Variants in HIBCH observed in about 807,000 individuals in gnomAD.
HIBCH encodes the protein 3-hydroxyisobutyryl-CoA hydrolase, also known as 3-hydroxyisobutyryl-CoA hydrolase, mitochondrial.
HIBCH carries 50 observed loss-of-function variants against 58.2 expected under a neutral mutation model. The observed-to-expected ratio is 0.86, with a 90% CI of 0.68 to 1.09. HIBCH has a LOEUF of 1.09. Among genes scored for constraint, HIBCH ranks in the 50% least tolerant of loss-of-function variants. HIBCH has a pLI of 0.00. For synonymous variants in HIBCH, 151 were observed against 146.9 expected, an observed-to-expected ratio of 1.03 and a Z score of -0.20; for missense variants, 450 against 449.7, an observed-to-expected ratio of 1.00 and a Z score of -0.01.
At chr2:190,208,952 G>T in intron 12 of HIBCH, 39 bp from the exon 13 acceptor site, 1 of 1,587,176 alleles carries the variant, frequency 6.3e-7, no homozygotes, top group Non-Finnish European at 8.6e-7. Context: ...TAATTTCTGG[G>T]TGTCCTTATT....
chr2:190,260,705 G>C (rs1687062986), intron 7 of HIBCH, among the ~76,000 whole-genome samples: 1 of 152,122 alleles, frequency 6.6e-6, no homozygotes, highest in African/African-American at 2.4e-5. Context: ...AGGCAATTCA[G>C]TAGCAAAACA....
chr2:190,209,065 C>G lies in HIBCH; in HGVS notation c.1012-152G>C. On this transcript the variant is annotated intron_variant, in intron 12 of 13. Transcript: ENST00000359678. The surrounding 1 kb of genome is among the most constrained non-coding windows in gnomAD (Gnocchi z 5.6). ...ACTGAACCACCTCTGATAGCCCACTCTCTGATCACCACCTCCTAAATCTTA... is the reference window on the plus strand; with the variant it reads ...ACTGAACCACCTCTGATAGCCCACTGTCTGATCACCACCTCCTAAATCTTA... The G allele has an allele frequency of 1.4e-6, 1 of 708,996 alleles. No homozygotes were observed. The highest frequency in any genetic ancestry group is 2.6e-6 in the Non-Finnish European group (1 of 391,948). The allele number at this position is 708,996 out of a possible 1,614,324, so 43.9% of individuals were successfully genotyped here.
intron 11 of HIBCH, among the ~76,000 whole-genome samples, chr2:190,241,795 C>A (rs2105930194): frequency 6.6e-6 from 1 of 152,328 alleles, no homozygotes; most frequent in African/African-American, 2.4e-5. Flanking sequence ...TTGGCCCCCA[C>A]TCTCTTCTGG....
intron 6 of HIBCH, among the ~76,000 whole-genome samples, chr2:190,267,822 CT>C (rs962427724): frequency 9.7e-6 from 1 of 103,048 alleles, no homozygotes; most frequent in African/African-American, 3.3e-5. Context: ...AGTTGGGCCC[CT>C]AAGGGGACCT....
chr2:190,252,268 C>T lies in HIBCH; in HGVS notation c.557G>A (p.Arg186Gln), dbSNP rs891532544. The change falls in exon 8 of 14, where the codon CGA becomes CAA. Residue 186 changes from arginine (R) to glutamine (Q), a missense_variant. Physicochemically the swap from Arg to Gln is conservative, Grantham distance 43 (BLOSUM62 1). Coordinates refer to ENST00000359678, the MANE Select transcript of HIBCH (RefSeq NM_014362.4). ...PDVGGGYFLP[R>Q]LQGKLGYFLA... ...GAAGTAACCAAGTTTTCCTTGGAGT[C>T]GTGGCAAGAAATAACCTCCACCCAC... 7 of 1,613,354 alleles carry T rather than the reference C, an allele frequency of 4.3e-6. No homozygotes were observed. Among genetic ancestry groups the T allele is most frequent in the African/African-American group, 2.7e-5 (2 of 74,882 alleles).
intron 2 of HIBCH, among the ~76,000 whole-genome samples, chr2:190,308,781 G>C (rs1688479608): frequency 6.6e-6 from 1 of 152,196 alleles, no homozygotes; most frequent in Admixed American, 6.5e-5. Context: ...GTTAGGAAGG[G>C]ATATGCCAGG....
chr2:190,307,710 GAAGA>G (rs1688450296), intron 2 of HIBCH, among the ~76,000 whole-genome samples: 1 of 102,630 alleles, frequency 9.7e-6, no homozygotes, highest in African/African-American at 3.6e-5. Context: ...TATGGAGAAA[GAAGA>G]AAAAAAAATA....
chr2:190,251,742 A>C (rs1456709275), intron 8 of HIBCH, among the ~76,000 whole-genome samples: 1 of 152,098 alleles, frequency 6.6e-6, no homozygotes, highest in Non-Finnish European at 1.5e-5. Flanking sequence ...TGTTTTAGAA[A>C]AGTCAAATGC....
At position 190,316,954 on chromosome 2, in the gene HIBCH, T is replaced by C. The variant is rs373317247; in HGVS notation, c.35+2762A>G. Among the ~76,000 whole-genome samples the C allele has an allele frequency of 2.3e-3, 349 of 152,342 alleles. 2 individuals are homozygous for C. Among genetic ancestry groups the C allele is most frequent in the Middle Eastern group, 6.8e-3 (2 of 294 alleles). On this transcript the variant is annotated intron_variant, in intron 1 of 13. Transcript: ENST00000359678. ...TTTTTAGAGACTAGGTTTTTCCATG[T>C]TGCCCAGGCTAGAGGGCAGTGGCAC... is the stretch of plus-strand genomic sequence containing the variant.
At chr2:190,282,361 C>A (rs1392869534) in intron 6 of HIBCH, among the ~76,000 whole-genome samples, 1 of 152,190 alleles carries the variant, frequency 6.6e-6, no homozygotes, top group East Asian at 1.9e-4. Context: ...CATCTGGCAG[C>A]TTCTAGTGAG....
At chr2:190,287,027 C>CGTGTGT (rs56811939) in intron 6 of HIBCH, among the ~76,000 whole-genome samples, 18,364 of 142,092 alleles carry the variant, frequency 0.13, 1,502 homozygotes, top group East Asian at 0.29. Flanking sequence ...TAGCATATAA[C>CGTGTGT]GTGTGTGTGT....
intron 3 of HIBCH, among the ~76,000 whole-genome samples, chr2:190,295,372 T>C (rs1688077106): frequency 6.6e-6 from 1 of 152,224 alleles, no homozygotes; most frequent in Non-Finnish European, 1.5e-5. Flanking sequence ...AATTCCTTTA[T>C]GTTTCATATC....
At chr2:190,238,249 T>C (rs532770340) in intron 11 of HIBCH, among the ~76,000 whole-genome samples, 1 of 152,282 alleles carries the variant, frequency 6.6e-6, no homozygotes, top group Admixed American at 6.5e-5. Flanking sequence ...ATCGGCACAT[T>C]GTCTTCCACA....
intron 1 of HIBCH, among the ~76,000 whole-genome samples, chr2:190,193,770 A>T (rs1689830642): frequency 6.6e-6 from 1 of 152,140 alleles, no homozygotes; most frequent in African/African-American, 2.4e-5. Context: ...ACCAGCATTC[A>T]TTCTGTTGTC....
At chr2:190,194,002 A>G (rs535248495) in intron 1 of HIBCH, among the ~76,000 whole-genome samples, 18 of 152,322 alleles carry the variant, frequency 1.2e-4, no homozygotes, top group South Asian at 4.1e-4. Flanking sequence ...AGTTGAAACT[A>G]TATTTTAATT....
chr2:190,309,588 G>A (rs533429647), intron 2 of HIBCH, among the ~76,000 whole-genome samples: 41 of 149,114 alleles, frequency 2.7e-4, no homozygotes, highest in African/African-American at 1.0e-3. Flanking sequence ...ACAGAGTCTC[G>A]CTCTGTCGCC....
At chr2:190,263,862 C>T (rs1687160159) in intron 6 of HIBCH, among the ~76,000 whole-genome samples, 1 of 151,732 alleles carries the variant, frequency 6.6e-6, no homozygotes. Flanking sequence ...ATATCCTGGA[C>T]TGGGCCACTT....
rs1358269619 is a variant in HIBCH, at chr2:190,217,901, T to A, written c.892-4826A>T. On this transcript the variant is annotated intron_variant, in intron 11 of 13. Coordinates refer to ENST00000359678, the MANE Select transcript of HIBCH (RefSeq NM_014362.4). The surrounding 1 kb of genome is among the most constrained non-coding windows in gnomAD (Gnocchi z 4.6). Reference sequence around the variant, plus strand: ...ATGTATAAATCACCTAAGAAACCCTTAAAGCTAACTCTAAGGAAAACCTAA... The same window carrying A: ...ATGTATAAATCACCTAAGAAACCCTAAAAGCTAACTCTAAGGAAAACCTAA... Among the ~76,000 whole-genome samples, 3 of 152,060 alleles carry A rather than the reference T, an allele frequency of 2.0e-5. No individual in the cohort carries two copies. Among genetic ancestry groups the A allele is most frequent in the African/African-American group, 7.2e-5 (3 of 41,384 alleles).
rs377756518 is a variant in HIBCH, at chr2:190,206,526, T to C, written c.1046-1294A>G. Among the ~76,000 whole-genome samples, 110 of 152,336 alleles carry C rather than the reference T, an allele frequency of 7.2e-4. No individual in the cohort carries two copies. The highest frequency in any genetic ancestry group is 6.8e-3 in the Middle Eastern group (2 of 294). ...CTAGAATACATACAAGTTCGTGCCA[T>C]GTAGGCAGCTCAGGTTTTGCAAGTC... On this transcript the variant is annotated intron_variant, in intron 13 of 13. Transcript: ENST00000359678. This position sits in a 1 kb window ranked among gnomAD's most constrained non-coding sequence, Gnocchi z 5.1.
Sources: allele counts gnomAD v4.1 joint callset (sites outside exome capture counted in the v4.1 genomes callset), GRCh38; gene constraint gnomAD v4.1.1; non-coding constraint Gnocchi (gnomAD v3.1); transcripts MANE v1.5; gene names NCBI Gene and HGNC (gene_info 2026-07-23, HGNC 2026-07-21).